The following TRIO variants were observed in gnomAD, a reference collection of about 807,000 sequenced individuals.
The protein encoded by TRIO is trio Rho guanine nucleotide exchange factor.
Under a neutral mutation model 351.9 loss-of-function variants are expected in TRIO, and 58 were observed. The ratio of observed to expected loss-of-function variants is 0.16; its 90% confidence interval spans 0.13 to 0.21. TRIO has a LOEUF of 0.21. TRIO is among the 10% of genes least tolerant of loss of function. TRIO has a pLI of 1.00. For missense variants in TRIO, 3,201 were observed against 4,027.8 expected, an observed-to-expected ratio of 0.79 and a Z score of 5.56; for synonymous variants, 1,758 against 1,595.7, an observed-to-expected ratio of 1.10 and a Z score of -2.42.
intron 1 of TRIO, among the ~76,000 whole-genome samples, chr5:14,165,917 G>A (rs1443534454): frequency 5.3e-5 from 8 of 152,232 alleles, no homozygotes; most frequent in Non-Finnish European, 1.0e-4. Flanking sequence ...ATCCAGACCT[G>A]CTGAGTGAAT....
intron 9 of TRIO, among the ~76,000 whole-genome samples, chr5:14,330,519 A>G (rs1740813394): frequency 6.6e-6 from 1 of 152,232 alleles, no homozygotes; most frequent in Admixed American, 6.5e-5. Context: ...ATTGCATGCA[A>G]TGTTTATACA....
intron 2 of TRIO, 145 bp from the exon 3 acceptor site, chr5:14,280,177 C>T: frequency 1.4e-6 from 1 of 696,874 alleles, no homozygotes; most frequent in Non-Finnish European, 2.5e-6. Context: ...CATGTCCTCA[C>T]TGTGCCTCAG....
chr5:14,256,085 A>G (rs1795006967), intron 1 of TRIO, among the ~76,000 whole-genome samples: 1 of 152,196 alleles, frequency 6.6e-6, no homozygotes, highest in Non-Finnish European at 1.5e-5. Flanking sequence ...ATTTTGGCTC[A>G]TTGTTCTGCA....
chr5:14,187,473 T>C (rs1334510556), intron 1 of TRIO, among the ~76,000 whole-genome samples: 1 of 152,166 alleles, frequency 6.6e-6, no homozygotes, highest in Admixed American at 6.5e-5. Context: ...GTCCTTAACA[T>C]GACATCTCCC....
At chr5:14,468,858 T>C (rs1754471414) in intron 37 of TRIO, among the ~76,000 whole-genome samples, 1 of 152,186 alleles carries the variant, frequency 6.6e-6, no homozygotes, top group South Asian at 2.1e-4. Flanking sequence ...GAACTGAACC[T>C]ACCTAAACCT....
intron 33 of TRIO, among the ~76,000 whole-genome samples, chr5:14,410,835 A>G (rs1264166938): frequency 6.6e-6 from 1 of 152,226 alleles, no homozygotes; most frequent in Admixed American, 6.5e-5. Context: ...GGGGTTAGCC[A>G]GGCCACGGCC....
intron 7 of TRIO, among the ~76,000 whole-genome samples, chr5:14,303,350 A>G (rs356022): frequency 6.0e-4 from 63 of 105,382 alleles, no homozygotes; most frequent in Middle Eastern, 8.3e-3. Context: ...CTGGAGATGG[A>G]GGGTGTCAGT....
intron 11 of TRIO, among the ~76,000 whole-genome samples, chr5:14,342,774 A>G (rs1178636989): frequency 6.6e-6 from 1 of 151,814 alleles, no homozygotes; most frequent in Non-Finnish European, 1.5e-5. Flanking sequence ...TCCTATTTCC[A>G]CCCCACATAT....
At chr5:14,207,430 AC>A (rs1309701564) in intron 1 of TRIO, among the ~76,000 whole-genome samples, 4 of 78,104 alleles carry the variant, frequency 5.1e-5, no homozygotes, top group South Asian at 5.2e-4. Context: ...ACACACACAC[AC>A]GCAGCCAGGT....
In TRIO at chr5:14,307,753, T is replaced by G. The variant is rs401022; in HGVS notation, c.1500+3161T>G. 6.2e-3 allele frequency among the ~76,000 whole-genome samples: 946 copies of G among 152,368 alleles called. 11 individuals are homozygous for G. Among genetic ancestry groups the G allele is most frequent in the African/African-American group, 0.021 (860 of 41,584 alleles). On this transcript the variant is annotated intron_variant, in intron 8 of 56. Coordinates refer to ENST00000344204, the MANE Select transcript of TRIO (RefSeq NM_007118.4). ...CTCATCAGACTTCTCACAGCCATAG[T>G]TTCCACTGAGGATTTCTGCCCATAG...
chr5:14,486,660 T>C (rs529459782), intron 47 of TRIO, among the ~76,000 whole-genome samples: 17 of 152,326 alleles, frequency 1.1e-4, no homozygotes, highest in African/African-American at 3.8e-4. Flanking sequence ...CAGAGTTTAC[T>C]TGACACCCAC....
At chr5:14,349,309 G>A (rs534966051) in intron 11 of TRIO, among the ~76,000 whole-genome samples, 4 of 151,466 alleles carry the variant, frequency 2.6e-5, no homozygotes, top group South Asian at 2.1e-4. Context: ...TGTTTTTCCT[G>A]TGTGTATATG....
At chr5:14,358,065 C>T in intron 11 of TRIO, 113 bp from the exon 12 acceptor site, 2 of 1,326,204 alleles carry the variant, frequency 1.5e-6, no homozygotes, top group Admixed American at 5.2e-5. Context: ...TGTCACCAGT[C>T]CCCTCCCAGG....
chr5:14,427,014 A>G (rs1452005882), intron 34 of TRIO, among the ~76,000 whole-genome samples: 1 of 152,184 alleles, frequency 6.6e-6, no homozygotes, highest in Non-Finnish European at 1.5e-5. Flanking sequence ...TAAATGAATG[A>G]ATGAATGTGC....
intron 1 of TRIO, among the ~76,000 whole-genome samples, chr5:14,238,143 C>T (rs1793890543): frequency 6.6e-6 from 1 of 152,082 alleles, no homozygotes; most frequent in Admixed American, 6.5e-5. Context: ...TCTCTCGAAA[C>T]AGTGTACGTG....
chr5:14,152,237 G>A (rs1376516860), intron 1 of TRIO, among the ~76,000 whole-genome samples: 6 of 152,264 alleles, frequency 3.9e-5, no homozygotes, highest in Middle Eastern at 6.8e-3. Flanking sequence ...TCTTCCCAGC[G>A]TTCACTGCCC....
chr5:14,376,036 T>C (rs1379737403), intron 19 of TRIO, among the ~76,000 whole-genome samples: 1 of 152,138 alleles, frequency 6.6e-6, no homozygotes, highest in African/African-American at 2.4e-5. Context: ...AATATGGTGG[T>C]ATTTAGGGTG....
chr5:14,509,701 C>T lies in TRIO; in HGVS notation c.*1279C>T, dbSNP rs892852832. The T allele has an allele frequency of 6.2e-5, 20 of 320,890 alleles. No homozygotes were observed. The highest frequency in any genetic ancestry group is 2.4e-5 in the Non-Finnish European group (4 of 167,140). 19.9% of individuals were successfully genotyped at this position (320,890 alleles called of 1,614,324 possible). The stretch of plus-strand genomic sequence containing the variant: ...AGCCGATTAAGCACTGGCCGCCCCG[C>T]GGCTGGTACCCAATGCCCGAGTCAC... On this transcript the variant is annotated 3_prime_UTR_variant, in exon 57 of 57. Coordinates refer to ENST00000344204, the MANE Select transcript of TRIO (RefSeq NM_007118.4).
intron 1 of TRIO, among the ~76,000 whole-genome samples, chr5:14,198,774 G>T (rs1403521101): frequency 6.6e-6 from 1 of 152,088 alleles, no homozygotes. Flanking sequence ...TTTGCTTATA[G>T]CCATCACCTG....
Sources: gnomAD v4.1 joint callset for allele counts (sites outside exome capture counted in the v4.1 genomes callset) on GRCh38, gnomAD v4.1.1 for gene constraint, MANE v1.5 for transcripts, NCBI Gene and HGNC (gene_info 2026-07-23, HGNC 2026-07-21) for gene names.